Variants in HDAC5 observed in about 807,000 individuals in gnomAD.
HDAC5 encodes the protein antigen NY-CO-9.
In HDAC5, 25 loss-of-function variants were observed where a neutral mutation model predicts 133.3. The observed-to-expected ratio is 0.19, with a 90% confidence interval of 0.14 to 0.26. HDAC5 has a LOEUF of 0.26. Ranked by LOEUF, HDAC5 falls within the 10% of genes least tolerant of loss-of-function variation. HDAC5 has a pLI of 1.00. For missense variants in HDAC5, 1,041 were observed against 1,460.5 expected, an observed-to-expected ratio of 0.71 and a Z score of 4.68; for synonymous variants, 589 against 610.8, an observed-to-expected ratio of 0.96 and a Z score of 0.53.
At chr17:44,121,966 T>C (rs971373183) in intron 1 of HDAC5, among the ~76,000 whole-genome samples, 1 of 152,094 alleles carries the variant, frequency 6.6e-6, no homozygotes, top group Non-Finnish European at 1.5e-5. Context: ...AGACCCCTAC[T>C]GCTTTGTCAA....
intron 14 of HDAC5, among the ~76,000 whole-genome samples, chr17:44,085,853 G>A (rs1018810139): frequency 3.3e-5 from 5 of 151,512 alleles, no homozygotes; most frequent in African/African-American, 4.9e-5. Context: ...TGTTGCTCAC[G>A]TTGGTCTCAA....
chr17:44,117,483 C>T lies in HDAC5; in HGVS notation c.22+11G>A. On this transcript the variant is annotated intron_variant, in intron 2 of 26. Coordinates refer to ENST00000682912, the MANE Select transcript of HDAC5 (RefSeq NM_005474.5). The surrounding 1 kb of genome is among the most constrained non-coding windows in gnomAD (Gnocchi z 4.2). ...CCCCAGGGTGCTCTTCTCCAACCTC[C>T]CAGCTCTTACCCGACTCGTTGGGAG... 6.2e-7 allele frequency: 1 copy of T among 1,614,152 alleles called. No individual in the cohort carries two copies. The highest frequency in any genetic ancestry group is 8.5e-7 in the Non-Finnish European group (1 of 1,180,022).
At chr17:44,088,650 C>T (rs748449592) in intron 11 of HDAC5, 52 bp from the exon 12 acceptor site, 7 of 1,576,586 alleles carry the variant, frequency 4.4e-6, no homozygotes, top group Non-Finnish European at 6.0e-6. Flanking sequence ...ACCTGACTGC[C>T]CTCCCACCGA....
rs574104280 is a variant in HDAC5 at position 44,086,743 on chromosome 17, G to A, written c.1885-6C>T. The A allele has an allele frequency of 1.3e-5, 17 of 1,291,816 alleles. 1 individual carries two copies. The South Asian group carries it at 5.3e-4, about 41-fold the overall frequency. 80.0% of individuals were successfully genotyped at this position (1,291,816 alleles called of 1,614,324 possible). Reference sequence around the variant, plus strand: ...GGCTGGGCATCTGAGAACAGCTGGAGGGGAGAATGGGAGGGGGCCTGGGTC... The same window carrying A: ...GGCTGGGCATCTGAGAACAGCTGGAAGGGAGAATGGGAGGGGGCCTGGGTC... On this transcript the variant is annotated splice_region_variant and splice_polypyrimidine_tract_variant and intron_variant, in intron 13 of 26. Transcript: ENST00000682912.
intron 18 of HDAC5, 27 bp downstream of exon 18, chr17:44,083,518 G>A: frequency 6.5e-7 from 1 of 1,549,352 alleles, no homozygotes; most frequent in Non-Finnish European, 8.9e-7. Context: ...ATGCCAAGGG[G>A]CACCGAGGTC....
chr17:44,082,894 A>C, intron 18 of HDAC5, 74 bp from the exon 19 acceptor site: 2 of 1,276,068 alleles, frequency 1.6e-6, no homozygotes, highest in Non-Finnish European at 2.2e-6. Context: ...ACAGGACAGA[A>C]GCACAAGCCA....
intron 3 of HDAC5, among the ~76,000 whole-genome samples, chr17:44,103,664 T>C (rs1365080233): frequency 2.6e-5 from 4 of 151,964 alleles, no homozygotes; most frequent in Admixed American, 6.6e-5. Flanking sequence ...CTGAACTCTT[T>C]TGGCAATCTA....
chr17:44,114,231 CA>C (rs2052509062), intron 2 of HDAC5, among the ~76,000 whole-genome samples: 1 of 152,352 alleles, frequency 6.6e-6, no homozygotes, highest in East Asian at 1.9e-4. Context: ...AGAGGTGTGC[CA>C]GGGGGCATCT....
chr17:44,111,996 G>A (rs1188900451), intron 2 of HDAC5, among the ~76,000 whole-genome samples: 2 of 152,124 alleles, frequency 1.3e-5, no homozygotes, highest in Admixed American at 6.5e-5. Flanking sequence ...TTAATTCTGC[G>A]TGGTGACCTT....
At chr17:44,122,476 C>T (rs1185532596) in intron 1 of HDAC5, among the ~76,000 whole-genome samples, 1 of 152,152 alleles carries the variant, frequency 6.6e-6, no homozygotes, top group Non-Finnish European at 1.5e-5. Context: ...ATCCCAAAAG[C>T]ATGGTGGTCA....
At chr17:44,090,030 C>T (rs939620451) in intron 11 of HDAC5, among the ~76,000 whole-genome samples, 11 of 151,278 alleles carry the variant, frequency 7.3e-5, no homozygotes, top group African/African-American at 2.4e-4. Context: ...GTCAGGAGTT[C>T]AAGACCAGCC....
At chr17:44,111,729 G>C in intron 2 of HDAC5, 2 of 503,630 alleles carry the variant, frequency 4.0e-6, no homozygotes, top group East Asian at 5.6e-5. Flanking sequence ...AACCAGCAGA[G>C]AGACCCCTAA....
At chr17:44,114,734 G>A (rs1449877973) in intron 2 of HDAC5, among the ~76,000 whole-genome samples, 1 of 152,202 alleles carries the variant, frequency 6.6e-6, no homozygotes, top group African/African-American at 2.4e-5. Context: ...TCTGAGCTGA[G>A]GGAAAGTTCT....
chr17:44,111,671 T>G (rs1175821123), intron 2 of HDAC5: 2 of 517,398 alleles, frequency 3.9e-6, no homozygotes, highest in Non-Finnish European at 3.9e-6. Flanking sequence ...GGAGGTTTGC[T>G]TAACTTCTGC....
chr17:44,093,839 G>T lies in HDAC5; in HGVS notation c.95-5C>A. The T allele has an allele frequency of 6.7e-7, 1 of 1,482,452 alleles. No individual in the cohort carries two copies. The highest frequency in any genetic ancestry group is 2.3e-5 in the East Asian group (1 of 42,640). The allele number at this position is 1,482,452 out of a possible 1,614,324, so 91.8% of individuals were successfully genotyped here. On this transcript the variant is annotated splice_region_variant and splice_polypyrimidine_tract_variant and intron_variant, in intron 3 of 26. Transcript: ENST00000682912. ...GCAGCACCGGCTTCACCTCCACTGT[G>T]GGCAGAAGAGACAGGAAGGAGTTAG...
intron 1 of HDAC5, among the ~76,000 whole-genome samples, chr17:44,121,846 A>C (rs1185969890): frequency 6.6e-6 from 1 of 152,010 alleles, no homozygotes. Flanking sequence ...CATTTCCTCC[A>C]TCCTTGCCCC....
chr17:44,114,829 T>C (rs1387342034), intron 2 of HDAC5, among the ~76,000 whole-genome samples: 7 of 152,094 alleles, frequency 4.6e-5, no homozygotes, highest in Non-Finnish European at 8.8e-5. Context: ...TCAAACCCCC[T>C]TTTGCCGGAA....
chr17:44,108,750 CCAAAAAAAAAACAAAAAAAAAA>C (rs1167836654), intron 3 of HDAC5, among the ~76,000 whole-genome samples: 7 of 75,710 alleles, frequency 9.2e-5, no homozygotes, highest in African/African-American at 2.1e-4. Context: ...ATTCCAGAGT[CCAAAAAAAAAACAAAAAAAAAA>C]CAAAAAAAAA....
chr17:44,084,107 A>G (rs1384458125), intron 16 of HDAC5, among the ~76,000 whole-genome samples: 1 of 151,700 alleles, frequency 6.6e-6, no homozygotes, highest in Non-Finnish European at 1.5e-5. Context: ...CCTGGCCAAC[A>G]GAGCAAGACT....
Sources: allele counts gnomAD v4.1 joint callset (sites outside exome capture counted in the v4.1 genomes callset), GRCh38; gene constraint gnomAD v4.1.1; non-coding constraint Gnocchi (gnomAD v3.1); transcripts MANE v1.5; gene names NCBI Gene and HGNC (gene_info 2026-07-23, HGNC 2026-07-21).